Variants in TTC29 observed in about 807,000 individuals in gnomAD.
The protein encoded by TTC29 is tetratricopeptide repeat domain 29, also known as tetratricopeptide repeat protein 29.
A neutral mutation model predicts 58.1 loss-of-function variants in TTC29; 49 were observed. The ratio of observed to expected loss-of-function variants is 0.84; its 90% CI spans 0.67 to 1.07. The LOEUF is 1.07. TTC29 is among the 50% of genes least tolerant of loss of function. The pLI is 0.00. For synonymous variants in TTC29, 209 were observed against 196.8 expected (o/e 1.06, Z -0.52); for missense variants, 582 against 555.6 (o/e 1.05, Z -0.48).
At chr4:146,814,651 G>A (rs901405390) in intron 10 of TTC29, among the ~76,000 whole-genome samples, 7 of 150,440 alleles carry the variant, frequency 4.7e-5, no homozygotes, top group Admixed American at 1.3e-4. Flanking sequence ...ACTTGAACCC[G>A]GGAGGCGGAG....
intron 11 of TTC29, among the ~76,000 whole-genome samples, chr4:146,718,209 G>T (rs1743083300): frequency 6.6e-6 from 1 of 152,138 alleles, no homozygotes; most frequent in South Asian, 2.1e-4. Flanking sequence ...CTGACATGCT[G>T]ATTTCAAATA....
Position 146,902,979 on chromosome 4 carries a change from C to T in TTC29, c.586+565G>A, listed in dbSNP as rs552715319. Reference sequence around the variant, plus strand: ...TTATATTATCTACACACTATTCTGCCATAAAAATTTTCCATTCTTAAATTC... The same window carrying T: ...TTATATTATCTACACACTATTCTGCTATAAAAATTTTCCATTCTTAAATTC... On this transcript the variant is annotated intron_variant, in intron 6 of 12. Coordinates refer to ENST00000325106, the MANE Select transcript of TTC29 (RefSeq NM_031956.4). Among the ~76,000 whole-genome samples, 26 of 152,164 alleles carry T rather than the reference C, an allele frequency of 1.7e-4. No homozygotes were observed. The South Asian group carries it at 4.8e-3, about 28-fold the overall frequency.
chr4:146,753,347 A>G (rs1260343409), intron 11 of TTC29, among the ~76,000 whole-genome samples: 2 of 152,202 alleles, frequency 1.3e-5, no homozygotes, highest in Admixed American at 6.5e-5. Context: ...CAAAACCACA[A>G]TGAGATACCA....
At chr4:146,790,413 T>G (rs1359509635) in intron 11 of TTC29, among the ~76,000 whole-genome samples, 1 of 152,108 alleles carries the variant, frequency 6.6e-6, no homozygotes, top group Non-Finnish European at 1.5e-5. Flanking sequence ...TGTCTTGATC[T>G]CCTGACCTTG....
intron 6 of TTC29, among the ~76,000 whole-genome samples, chr4:146,901,502 C>T (rs899966175): frequency 3.3e-5 from 5 of 152,204 alleles, no homozygotes; most frequent in African/African-American, 1.2e-4. Flanking sequence ...GGCCTACAAG[C>T]CCCAGTGTGA....
intron 8 of TTC29, among the ~76,000 whole-genome samples, chr4:146,861,357 T>C (rs1730220523): frequency 1.3e-5 from 2 of 152,186 alleles, no homozygotes; most frequent in East Asian, 3.9e-4. Flanking sequence ...TCTAATTTGA[T>C]GATGGCCAAA....
intron 8 of TTC29, among the ~76,000 whole-genome samples, chr4:146,837,898 G>A (rs1281933952): frequency 6.6e-6 from 1 of 151,882 alleles, no homozygotes; most frequent in Non-Finnish European, 1.5e-5. Context: ...CTTAACCTTT[G>A]GCAAAAGACA....
At chr4:146,875,717 T>C (rs2150224222) in intron 6 of TTC29, among the ~76,000 whole-genome samples, 1 of 152,310 alleles carries the variant, frequency 6.6e-6, no homozygotes, top group African/African-American at 2.4e-5. Context: ...CAATGAGGTT[T>C]TTGTATATGC....
Position 146,940,460 on chromosome 4 carries a change from A to G in TTC29, c.-6-559T>C, listed in dbSNP as rs554634027. The stretch of plus-strand genomic sequence containing the variant: ...AATATAATGAATCACTTCAAAATGT[A>G]CTGTTTTTTAAAAGTTGTTTAAAAC... On this transcript the variant is annotated intron_variant, in intron 2 of 12. Transcript: ENST00000325106. 3.3e-5 allele frequency among the ~76,000 whole-genome samples: 5 copies of G among 152,354 alleles called. No individual in the cohort carries two copies. The South Asian group carries it at 1.0e-3, about 32-fold the overall frequency.
Position 146,909,078 on chromosome 4 carries a change from T to C in TTC29, c.348A>G (p.Lys116=). Residue 116 remains lysine, a synonymous_variant, in exon 5 of 13, where the codon AAA becomes AAG. Transcript: ENST00000325106. The stretch of plus-strand genomic sequence containing the variant: ...TCAGGTAATGGTACAGGTAATCCAG[T>C]TTATCAGGCTGCTCCTCCAGGGGCT... ...LQKPLEEQPD[K]LDYLYHYLTR... 1 of 1,613,874 alleles carries C rather than the reference T, an allele frequency of 6.2e-7. No homozygotes were observed. The highest frequency in any genetic ancestry group is 8.5e-7 in the Non-Finnish European group (1 of 1,179,824).
intron 11 of TTC29, among the ~76,000 whole-genome samples, chr4:146,737,070 C>A (rs1166217471): frequency 6.6e-6 from 1 of 152,164 alleles, no homozygotes; most frequent in Admixed American, 6.5e-5. Flanking sequence ...AACAGATCAT[C>A]TTGGTGGGCT....
At chr4:146,871,692 T>G (rs1320993374) in intron 7 of TTC29, among the ~76,000 whole-genome samples, 1 of 151,770 alleles carries the variant, frequency 6.6e-6, no homozygotes, top group Non-Finnish European at 1.5e-5. Flanking sequence ...TAAAAATAAA[T>G]TTAACAAAAG....
intron 8 of TTC29, among the ~76,000 whole-genome samples, chr4:146,844,884 C>T (rs889898862): frequency 2.0e-5 from 3 of 152,110 alleles, no homozygotes; most frequent in East Asian, 1.9e-4. Context: ...GCAGCTGAGT[C>T]GTTAGTAATG....
chr4:146,924,618 CTG>C (rs1341886000), intron 4 of TTC29, among the ~76,000 whole-genome samples: 1 of 151,666 alleles, frequency 6.6e-6, no homozygotes, highest in African/African-American at 2.4e-5. Context: ...AATTGGTAAA[CTG>C]TGTCTTCTAT....
At chr4:146,831,041 C>G (rs1274386514) in intron 9 of TTC29, among the ~76,000 whole-genome samples, 2 of 152,046 alleles carry the variant, frequency 1.3e-5, no homozygotes, top group Non-Finnish European at 2.9e-5. Flanking sequence ...CTTGCACTCC[C>G]CTGAGTACTC....
intron 11 of TTC29, among the ~76,000 whole-genome samples, chr4:146,773,296 G>A (rs943159124): frequency 1.3e-5 from 2 of 151,890 alleles, no homozygotes; most frequent in Non-Finnish European, 2.9e-5. Flanking sequence ...GTCTTGTTCT[G>A]GTTCTCAAAA....
chr4:146,776,369 T>C (rs1561113724), intron 11 of TTC29, among the ~76,000 whole-genome samples: 1 of 152,148 alleles, frequency 6.6e-6, no homozygotes, highest in East Asian at 1.9e-4. Context: ...TTGCCAGAGT[T>C]CTTGCTCTGG....
intron 6 of TTC29, among the ~76,000 whole-genome samples, chr4:146,891,229 A>G (rs1579921985): frequency 1.3e-5 from 2 of 152,194 alleles, no homozygotes; most frequent in East Asian, 3.8e-4. Context: ...TCTTATAGCA[A>G]TAAACAACCA....
intron 4 of TTC29, among the ~76,000 whole-genome samples, chr4:146,917,757 C>T (rs1170949983): frequency 6.8e-6 from 1 of 146,596 alleles, no homozygotes. Flanking sequence ...ATAAAATTCT[C>T]CTTGTAAAGA....
Sources: allele counts gnomAD v4.1 joint callset (sites outside exome capture counted in the v4.1 genomes callset), GRCh38; gene constraint gnomAD v4.1.1; transcripts MANE v1.5; gene names NCBI Gene and HGNC (gene_info 2026-07-23, HGNC 2026-07-21).